RTTN: variants seen among roughly 807,000 people sequenced by gnomAD.
The protein encoded by RTTN is rotatin.
In RTTN, 182 loss-of-function variants were observed where a neutral mutation model predicts 269.2. The ratio of observed to expected loss-of-function variants is 0.68; its 90% confidence interval spans 0.60 to 0.76. The LOEUF is 0.76. RTTN is among the 30% of genes least tolerant of loss of function. The pLI is 0.00. For synonymous variants in RTTN, 1,006 were observed against 963.5 expected, an observed-to-expected ratio of 1.04 and a Z score of -0.82; for missense variants, 2,545 against 2,608.6, an observed-to-expected ratio of 0.98 and a Z score of 0.53.
Position 70,166,092 on chromosome 18 carries a change from T to C in RTTN, c.1899A>G (p.Glu633=). 6.2e-7 allele frequency: 1 copy of C among 1,613,866 alleles called. No homozygotes were observed. The highest frequency in any genetic ancestry group is 8.5e-7 in the Non-Finnish European group (1 of 1,179,804). ...TGATTTCCAGACAGCAGTGGTAAGT[T>C]TCAGCTTTCACTCGTGGCAATGGGT... ...LSHPLPRVKA[E]TYHCCLEITK... The change falls in exon 14 of 49, where the codon GAA becomes GAG. Residue 633 remains glutamate, a synonymous_variant. Coordinates refer to ENST00000640769, the MANE Select transcript of RTTN (RefSeq NM_173630.4).
At chr18:70,186,480 G>A (rs561090032) in intron 10 of RTTN, among the ~76,000 whole-genome samples, 5 of 152,278 alleles carry the variant, frequency 3.3e-5, no homozygotes, top group East Asian at 1.9e-4. Context: ...TCAGCCGGGC[G>A]CGGTGGCTCG....
chr18:70,110,517 C>T (rs1024289427), intron 27 of RTTN, among the ~76,000 whole-genome samples: 1 of 152,074 alleles, frequency 6.6e-6, no homozygotes, highest in African/African-American at 2.4e-5. Flanking sequence ...GCCTGAGGAA[C>T]TCCTGCACAG....
intron 28 of RTTN, among the ~76,000 whole-genome samples, chr18:70,096,542 A>T (rs1292490647): frequency 1.3e-5 from 2 of 152,042 alleles, no homozygotes; most frequent in African/African-American, 4.8e-5. Context: ...TTTCCTTCTA[A>T]CAGTCAGGCC....
intron 28 of RTTN, among the ~76,000 whole-genome samples, chr18:70,093,643 G>A (rs1264465761): frequency 6.6e-6 from 1 of 152,168 alleles, no homozygotes; most frequent in African/African-American, 2.4e-5. Flanking sequence ...TGCATCCCAG[G>A]GATGAAGCCA....
At chr18:70,139,150 T>C (rs1402656848) in intron 21 of RTTN, among the ~76,000 whole-genome samples, 1 of 152,212 alleles carries the variant, frequency 6.6e-6, no homozygotes, top group Non-Finnish European at 1.5e-5. Flanking sequence ...TCATTTAGGA[T>C]GGTCTAGTTT....
chr18:70,075,619 C>T (rs1194294548), intron 32 of RTTN, 78 bp from the exon 33 acceptor site: 8 of 1,180,582 alleles, frequency 6.8e-6, no homozygotes, highest in South Asian at 3.6e-5. Flanking sequence ...TGTCTCCTCT[C>T]GAGGAAACAA....
chr18:70,080,182 GCTGA>G (rs914018905), intron 32 of RTTN, among the ~76,000 whole-genome samples: 18 of 152,000 alleles, frequency 1.2e-4, no homozygotes, highest in African/African-American at 1.7e-4. Flanking sequence ...CTATAAATGA[GCTGA>G]CTATTTAAAA....
chr18:70,092,890 T>G (rs771894354), intron 28 of RTTN, 86 bp from the exon 29 acceptor site: 16 of 1,173,552 alleles, frequency 1.4e-5, no homozygotes, highest in Non-Finnish European at 1.8e-5. Context: ...CTGACTTGTA[T>G]GAATTGAATC....
chr18:70,016,308 A>T (rs2056535680), intron 46 of RTTN, among the ~76,000 whole-genome samples: 1 of 152,252 alleles, frequency 6.6e-6, no homozygotes, highest in South Asian at 2.1e-4. Context: ...ACATGAAAAA[A>T]ACAAGAGAAT....
intron 4 of RTTN, 27 bp from the exon 5 acceptor site, chr18:70,199,531 G>C (rs1159391227): frequency 6.9e-7 from 1 of 1,439,570 alleles, no homozygotes; most frequent in Non-Finnish European, 9.8e-7. Context: ...AAATCTTATG[G>C]TATCAAAGAA....
intron 46 of RTTN, chr18:70,006,923 A>C (rs1051673642): frequency 9.1e-5 from 14 of 154,268 alleles, no homozygotes; most frequent in Non-Finnish European, 1.4e-4. Context: ...ACGATCATCA[A>C]ATATCACACT....
At chr18:70,141,682 A>G (rs1202997775) in intron 19 of RTTN, among the ~76,000 whole-genome samples, 1 of 152,164 alleles carries the variant, frequency 6.6e-6, no homozygotes, top group African/African-American at 2.4e-5. Context: ...AAATGAGTTG[A>G]TGGGTGCAGC....
rs1046750237 is a variant in RTTN, at chr18:70,061,491, C to T, written c.4748-1449G>A. On this transcript the variant is annotated intron_variant, in intron 35 of 48. Coordinates refer to ENST00000640769, the MANE Select transcript of RTTN (RefSeq NM_173630.4). ...GTGTCATTGTTTCTAAGCTAGAAAA[C>T]GTGTGTGTATATACGTATGCATGCA... 11 of 452,908 alleles carry T rather than the reference C, an allele frequency of 2.4e-5. No individual in the cohort carries two copies. The East Asian group carries it at 3.5e-4, about 14-fold the overall frequency. The allele number at this position is 452,908 out of a possible 1,614,324, so 28.1% of individuals were successfully genotyped here. A position where few individuals can be genotyped will look rare whatever the true frequency, so the allele number is the denominator to read the frequency against.
At chr18:70,139,958 TA>T (rs529472451) in intron 20 of RTTN, 141 bp downstream of exon 20, 50,222 of 453,802 alleles carry the variant, frequency 0.11, 96 homozygotes, top group South Asian at 0.18. Context: ...TTTTCGAATT[TA>T]AAAAAAAAAA....
intron 21 of RTTN, among the ~76,000 whole-genome samples, chr18:70,136,306 T>C (rs920430280): frequency 3.9e-5 from 6 of 152,088 alleles, no homozygotes; most frequent in Non-Finnish European, 7.4e-5. Flanking sequence ...GTTTTCAATC[T>C]GGAACTAGAG....
At chr18:70,195,344 C>T (rs2061778359) in intron 7 of RTTN, among the ~76,000 whole-genome samples, 1 of 152,246 alleles carries the variant, frequency 6.6e-6, no homozygotes, top group African/African-American at 2.4e-5. Context: ...TATGTTTACC[C>T]AACCACGTTG....
chr18:70,157,956 A>G (rs2060726957), intron 14 of RTTN, among the ~76,000 whole-genome samples: 2 of 152,200 alleles, frequency 1.3e-5, no homozygotes, highest in Non-Finnish European at 2.9e-5. Context: ...TATGTAAACA[A>G]AACGAACCTA....
At chr18:70,064,684 G>C (rs916595627) in intron 35 of RTTN, among the ~76,000 whole-genome samples, 3 of 152,186 alleles carry the variant, frequency 2.0e-5, no homozygotes, top group Non-Finnish European at 4.4e-5. Flanking sequence ...TGCCAAGAAT[G>C]GGGGAGACAG....
At chr18:70,012,151 C>T (rs1244173175) in intron 46 of RTTN, among the ~76,000 whole-genome samples, 3 of 148,932 alleles carry the variant, frequency 2.0e-5, no homozygotes, top group Non-Finnish European at 3.0e-5. Flanking sequence ...CAGAGGGCAG[C>T]GTCTGCTCAC....
Sources: gnomAD v4.1 joint callset for allele counts (sites outside exome capture counted in the v4.1 genomes callset) on GRCh38, gnomAD v4.1.1 for gene constraint, MANE v1.5 for transcripts, NCBI Gene and HGNC (gene_info 2026-07-23, HGNC 2026-07-21) for gene names.